Variants in EIF4G3 observed in about 807,000 individuals in gnomAD.
The protein encoded by EIF4G3 is eukaryotic translation initiation factor 4 gamma 3, also known as eIF-4-gamma 3.
In EIF4G3, 34 loss-of-function variants were observed where a neutral mutation model predicts 186.4. The observed-to-expected ratio is 0.18, with a 90% CI of 0.14 to 0.24. The LOEUF (loss-of-function observed/expected upper bound fraction) is 0.24. EIF4G3 is among the 10% of genes least tolerant of loss of function. EIF4G3 has a pLI of 1.00. For synonymous variants in EIF4G3, 673 were observed against 679.5 expected (o/e 0.99, Z 0.15); for missense variants, 1,536 against 1,948.5 (o/e 0.79, Z 3.99).
In EIF4G3 at chr1:20,896,394, C is replaced by T. The variant is rs138251292; in HGVS notation, c.2000-893G>A. ...GAGGCTGCAGTGAGCTATGATTGCACCACTGCACTCTAGCCTGGGTAACAG... is the reference window on the plus strand; with the variant it reads ...GAGGCTGCAGTGAGCTATGATTGCATCACTGCACTCTAGCCTGGGTAACAG... On this transcript the variant is annotated intron_variant, in intron 16 of 36. Transcript: ENST00000602326. 3.9e-3 allele frequency among the ~76,000 whole-genome samples: 574 copies of T among 147,654 alleles called. 2 individuals carry two copies. The highest frequency in any genetic ancestry group is 6.7e-3 in the Non-Finnish European group (452 of 67,374).
chr1:20,980,970 C>T, intron 9 of EIF4G3, 78 bp downstream of exon 9: 1 of 1,175,302 alleles, frequency 8.5e-7, no homozygotes, highest in Non-Finnish European at 1.1e-6. Context: ...ACAATTCATC[C>T]ACCCAGCTCC....
intron 2 of EIF4G3, among the ~76,000 whole-genome samples, chr1:21,118,855 A>C (rs1312804550): frequency 1.4e-5 from 2 of 147,606 alleles, no homozygotes; most frequent in African/African-American, 5.0e-5. Flanking sequence ...AGTTCCAGCT[A>C]TAGGTGCACC....
At chr1:20,948,751 G>A in intron 13 of EIF4G3, among the ~76,000 whole-genome samples, 1 of 151,918 alleles carries the variant, frequency 6.6e-6, no homozygotes. Flanking sequence ...CCTCAGGCCT[G>A]CAATCCCAGC....
intron 4 of EIF4G3, among the ~76,000 whole-genome samples, chr1:21,013,832 A>C (rs1348829173): frequency 6.6e-6 from 1 of 151,982 alleles, no homozygotes; most frequent in Non-Finnish European, 1.5e-5. Context: ...CAAAGATTAG[A>C]ACAGCTGGCT....
At chr1:20,847,790 T>C (rs184467865) in intron 29 of EIF4G3, 1 of 471,744 alleles carries the variant, frequency 2.1e-6, no homozygotes, top group East Asian at 6.9e-5. Context: ...TCCAACAGTT[T>C]CTGCAAAGCA....
intron 33 of EIF4G3, among the ~76,000 whole-genome samples, chr1:20,822,906 C>A (rs1302116445): frequency 3.9e-5 from 6 of 152,102 alleles, no homozygotes; most frequent in Non-Finnish European, 8.8e-5. Flanking sequence ...GTATGCATTG[C>A]CCTAATTCTT....
At chr1:20,818,529 C>G (rs1213226889) in intron 33 of EIF4G3, among the ~76,000 whole-genome samples, 1 of 152,048 alleles carries the variant, frequency 6.6e-6, no homozygotes, top group African/African-American at 2.4e-5. Flanking sequence ...GTGGTCCCAG[C>G]TACTCAGGAG....
At chr1:21,124,878 A>G (rs2096998459) in intron 2 of EIF4G3, among the ~76,000 whole-genome samples, 1 of 152,232 alleles carries the variant, frequency 6.6e-6, no homozygotes, top group Non-Finnish European at 1.5e-5. Flanking sequence ...AGGGGAATTA[A>G]TATTTCCATC....
chr1:21,175,202 C>T (rs1273180821), intron 2 of EIF4G3: 2 of 152,154 alleles, frequency 1.3e-5, no homozygotes, highest in Non-Finnish European at 1.5e-5. Context: ...TTCTCAGGTA[C>T]GCAATACCTT....
intron 11 of EIF4G3, 102 bp from the exon 12 acceptor site, chr1:20,969,698 A>G (rs764335271): frequency 9.1e-7 from 1 of 1,095,106 alleles, no homozygotes; most frequent in South Asian, 1.5e-5. Flanking sequence ...AACCTGTCAA[A>G]TATCAAAGGT....
chr1:20,890,180 C>T (rs1477840943), intron 18 of EIF4G3, among the ~76,000 whole-genome samples: 8 of 151,904 alleles, frequency 5.3e-5, no homozygotes, highest in Non-Finnish European at 1.2e-4. Context: ...GTCATGTTGG[C>T]CAGGCTGGTC....
intron 4 of EIF4G3, among the ~76,000 whole-genome samples, chr1:21,020,163 A>G (rs926384468): frequency 2.0e-5 from 3 of 152,128 alleles, no homozygotes; most frequent in Non-Finnish European, 4.4e-5. Flanking sequence ...TGCTGAACTC[A>G]GGCTTTGAGG....
chr1:20,877,993 G>A (rs915994515), intron 20 of EIF4G3, among the ~76,000 whole-genome samples: 3 of 151,988 alleles, frequency 2.0e-5, no homozygotes, highest in African/African-American at 7.3e-5. Flanking sequence ...ACAGGCGCAC[G>A]CTACCATGCC....
At position 21,176,189 on chromosome 1, in the gene EIF4G3, A is replaced by T. The variant is rs1375309458; in HGVS notation, c.-286T>A. The T allele has an allele frequency of 2.4e-6, 1 of 416,530 alleles. No individual in the cohort carries two copies. 25.8% of individuals were successfully genotyped at this position (416,530 alleles called of 1,614,324 possible). A position where few individuals can be genotyped will look rare whatever the true frequency, so the allele number is the denominator to read the frequency against. On this transcript the variant is annotated 5_prime_UTR_variant, in exon 2 of 37. Transcript: ENST00000602326. ...GAAAAGGATACTGTTGGGGCGCCTG[A>T]GTCTGGAGGGCCCTGATGTTCGGGT...
Position 20,851,298 on chromosome 1 carries a change from C to T in EIF4G3, c.3732G>A (p.Arg1244=). The change falls in exon 28 of 37, where the codon AGG becomes AGA. Residue 1244 remains arginine, a synonymous_variant. Transcript: ENST00000602326. ...TATTTCGCTCAGCCTCAGTGCTGTT[C>T]CTCTCCACATCCACACCTCCTGTGA... ...KQLTGGVDVE[R]NSTEAERNKT... The T allele has an allele frequency of 6.2e-7, 1 of 1,614,172 alleles. No individual in the cohort carries two copies. The highest frequency in any genetic ancestry group is 1.3e-5 in the African/African-American group (1 of 75,042).
Position 20,986,666 on chromosome 1 carries a change from G to A in EIF4G3, c.178-4258C>T, listed in dbSNP as rs1055891222. Among the ~76,000 whole-genome samples, 2 of 141,450 alleles carry A rather than the reference G, an allele frequency of 1.4e-5. 1 individual carries two copies. The highest frequency in any genetic ancestry group is 3.0e-5 in the Non-Finnish European group (2 of 66,424). The allele number at this position is 141,450 out of a possible 152,430, so 92.8% of individuals were successfully genotyped here. Reference sequence around the variant, plus strand: ...TGGGAGGCTGAAGCAGGAGAATGGCGTGAACCCGGGAGGCAGAGCTTGCAG... The same window carrying A: ...TGGGAGGCTGAAGCAGGAGAATGGCATGAACCCGGGAGGCAGAGCTTGCAG... On this transcript the variant is annotated intron_variant, in intron 7 of 36. Transcript: ENST00000602326.
At chr1:20,952,231 T>A (rs1443372310) in intron 12 of EIF4G3, among the ~76,000 whole-genome samples, 1 of 150,884 alleles carries the variant, frequency 6.6e-6, no homozygotes, top group Non-Finnish European at 1.5e-5. Flanking sequence ...CTTGGCTTAC[T>A]GAAACCTCTG....
intron 3 of EIF4G3, among the ~76,000 whole-genome samples, chr1:21,070,838 T>A (rs1255655896): frequency 6.6e-6 from 1 of 152,200 alleles, no homozygotes; most frequent in African/African-American, 2.4e-5. Context: ...AATAATAGAC[T>A]GAATCTTTTT....
chr1:20,972,922 G>A, intron 11 of EIF4G3, 80 bp downstream of exon 11: 1 of 1,104,926 alleles, frequency 9.1e-7, no homozygotes, highest in Non-Finnish European at 1.3e-6. Context: ...GAATTGAGAT[G>A]AATAATGACT....
Sources: allele counts gnomAD v4.1 joint callset (sites outside exome capture counted in the v4.1 genomes callset), GRCh38; gene constraint gnomAD v4.1.1; transcripts MANE v1.5; gene names NCBI Gene and HGNC (gene_info 2026-07-23, HGNC 2026-07-21).